LIX1: variants seen among roughly 807,000 people sequenced by gnomAD.
LIX1 encodes protein limb expression 1 homolog.
LIX1 carries 24 observed loss-of-function variants against 33.4 expected under a neutral mutation model. That is an observed-to-expected ratio of 0.72 (90% CI 0.52 to 1.01). The LOEUF (loss-of-function observed/expected upper bound fraction) is 1.01, where lower values mean the gene tolerates loss of function less well. Among genes scored for constraint, LIX1 ranks in the 50% least tolerant of loss-of-function variants. LIX1 has a pLI of 0.00. For synonymous variants in LIX1, 124 were observed against 124.0 expected (o/e 1.00, Z 0.00); for missense variants, 311 against 339.2 (o/e 0.92, Z 0.65).
chr5:97,126,802 G>A lies in LIX1; in HGVS notation c.83-2173C>T, dbSNP rs912305897. ...CTACAGGTGCCCACCACTACGCCCA[G>A]CTAATTTTTTTGTATTTTCAGTAGA... On this transcript the variant is annotated intron_variant, in intron 1 of 5. Coordinates refer to ENST00000274382, the MANE Select transcript of LIX1 (RefSeq NM_153234.5). Among the ~76,000 whole-genome samples the A allele has an allele frequency of 5.3e-5, 8 of 151,924 alleles. No individual in the cohort carries two copies. In the South Asian group the frequency reaches 6.2e-4, roughly 12 times the overall value.
intron 1 of LIX1, among the ~76,000 whole-genome samples, chr5:97,138,465 C>A (rs888459671): frequency 1.3e-5 from 2 of 152,170 alleles, no homozygotes; most frequent in African/African-American, 4.8e-5. Flanking sequence ...GTACCTCTAA[C>A]CAATGTCAAT....
intron 2 of LIX1, among the ~76,000 whole-genome samples, chr5:97,116,946 C>A (rs908792145): frequency 1.3e-5 from 2 of 152,076 alleles, no homozygotes; most frequent in Non-Finnish European, 2.9e-5. Context: ...GGGGCCTTTC[C>A]TAATCATTTC....
chr5:97,119,739 T>G (rs191509456), intron 2 of LIX1, among the ~76,000 whole-genome samples: 1,747 of 152,166 alleles, frequency 0.011, 20 homozygotes, highest in Non-Finnish European at 0.018. Context: ...TTCCTATTTC[T>G]TTTCTTTTTT....
At position 97,094,530 on chromosome 5, in the gene LIX1, G is replaced by C. The variant is rs1417223252; in HGVS notation, c.*218C>G. On this transcript the variant is annotated 3_prime_UTR_variant, in exon 6 of 6. Transcript: ENST00000274382. ...GTGTCTATCCTTTCATCCTGAGCTG[G>C]AACTATTGAGAATGTGATAGAAAAA... The C allele has an allele frequency of 3.7e-6, 2 of 541,732 alleles. No homozygotes were observed. The highest frequency in any genetic ancestry group is 6.5e-6 in the Non-Finnish European group (2 of 306,636). The allele number at this position is 541,732 out of a possible 1,614,324, so 33.6% of individuals were successfully genotyped here. A position where few individuals can be genotyped will look rare whatever the true frequency, so the allele number is the denominator to read the frequency against.
At position 97,142,504 on chromosome 5, in the gene LIX1, A is replaced by G; in HGVS notation, c.73T>C (p.Phe25Leu). ...CCCCTTCAGTACTTACAGTCTTTGA[A>G]GACTAGAGCCGGATCTCTGTGAGGC... ...VLPHRDPALV[F>L]KDLNVVSMLQ... The change falls in exon 1 of 6, where the codon TTC becomes CTC. Residue 25 changes from phenylalanine (F) to leucine (L), a missense_variant. Coordinates refer to ENST00000274382, the MANE Select transcript of LIX1 (RefSeq NM_153234.5). The G allele has an allele frequency of 6.2e-7, 1 of 1,613,606 alleles. No homozygotes were observed. Among genetic ancestry groups the G allele is most frequent in the Non-Finnish European group, 8.5e-7 (1 of 1,179,496 alleles).
intron 2 of LIX1, among the ~76,000 whole-genome samples, chr5:97,112,942 A>G (rs900051156): frequency 2.0e-5 from 3 of 152,208 alleles, no homozygotes; most frequent in Non-Finnish European, 4.4e-5. Flanking sequence ...GCACTGCACC[A>G]GAGTTCGTTT....
rs1170280616 is a variant in LIX1, at chr5:97,136,442, T to C, written c.82+6053A>G. Among the ~76,000 whole-genome samples the C allele has an allele frequency of 2.8e-4, 43 of 152,104 alleles. 1 individual carries two copies. Among genetic ancestry groups the C allele is most frequent in the Admixed American group, 2.8e-3 (43 of 15,272 alleles). On this transcript the variant is annotated intron_variant, in intron 1 of 5. Coordinates refer to ENST00000274382, the MANE Select transcript of LIX1 (RefSeq NM_153234.5). ...ACCCCCTTCATGCGAGGAAGAAAAA[T>C]CAACCATTGGCAATCCAAAAATGTC...
chr5:97,103,619 C>G (rs983889998), intron 4 of LIX1, among the ~76,000 whole-genome samples: 1 of 152,156 alleles, frequency 6.6e-6, no homozygotes, highest in Non-Finnish European at 1.5e-5. Context: ...TGCTTCCTAA[C>G]CAAGACAGGC....
At chr5:97,113,856 T>G (rs1424823491) in intron 2 of LIX1, among the ~76,000 whole-genome samples, 2 of 152,220 alleles carry the variant, frequency 1.3e-5, no homozygotes, top group East Asian at 1.9e-4. Flanking sequence ...TCTCCTCCCA[T>G]GACAAACTTG....
chr5:97,129,987 T>C (rs1748019326), intron 1 of LIX1, among the ~76,000 whole-genome samples: 1 of 152,256 alleles, frequency 6.6e-6, no homozygotes, highest in Non-Finnish European at 1.5e-5. Flanking sequence ...ACAAGTCATA[T>C]GACATGTTTC....
chr5:97,093,066 A>C lies in LIX1; in HGVS notation c.*1682T>G, dbSNP rs1046453879. 4.6e-5 allele frequency: 7 copies of C among 152,264 alleles called. No homozygotes were observed. The highest frequency in any genetic ancestry group is 7.3e-5 in the Non-Finnish European group (5 of 68,038). 9.4% of individuals were successfully genotyped at this position (152,264 alleles called of 1,614,324 possible). A position where few individuals can be genotyped will look rare whatever the true frequency, so the allele number is the denominator to read the frequency against. ...TGTGTTGAAAATTACTGTTACCTTT[A>C]AAAGATATTAAGGTATGACAATTAT... On this transcript the variant is annotated 3_prime_UTR_variant, in exon 6 of 6. Coordinates refer to ENST00000274382, the MANE Select transcript of LIX1 (RefSeq NM_153234.5).
At chr5:97,130,468 G>A (rs147479544) in intron 1 of LIX1, among the ~76,000 whole-genome samples, 173 of 152,304 alleles carry the variant, frequency 1.1e-3, no homozygotes, top group African/African-American at 4.0e-3. Flanking sequence ...TCTAGACACC[G>A]GACACAGGAA....
chr5:97,100,351 T>C (rs1466999095), intron 4 of LIX1, among the ~76,000 whole-genome samples: 2 of 152,174 alleles, frequency 1.3e-5, no homozygotes, highest in South Asian at 2.1e-4. Flanking sequence ...GCTTTTTTTT[T>C]CTCTCCAGTA....
intron 2 of LIX1, 107 bp from the exon 3 acceptor site, chr5:97,107,607 G>C: frequency 8.2e-7 from 1 of 1,221,086 alleles, no homozygotes; most frequent in Non-Finnish European, 1.2e-6. Context: ...TTTACTGTCC[G>C]CATCTATTCT....
intron 2 of LIX1, among the ~76,000 whole-genome samples, chr5:97,110,547 C>T (rs552399422): frequency 6.6e-6 from 1 of 152,246 alleles, no homozygotes; most frequent in Non-Finnish European, 1.5e-5. Flanking sequence ...TGGGTTCAAG[C>T]AAGTCTCCTG....
intron 2 of LIX1, among the ~76,000 whole-genome samples, chr5:97,123,863 T>C (rs771878105): frequency 1.3e-5 from 2 of 152,176 alleles, no homozygotes; most frequent in African/African-American, 2.4e-5. Flanking sequence ...CAAGACATCA[T>C]CAACTGAATG....
chr5:97,124,631 T>C lies in LIX1; in HGVS notation c.83-2A>G. The C allele has an allele frequency of 6.2e-7, 1 of 1,606,350 alleles. No individual in the cohort carries two copies. The highest frequency in any genetic ancestry group is 8.5e-7 in the Non-Finnish European group (1 of 1,176,224). ...CCTGTAACATTGACACAACGTTCAC[T>C]GAAAAAGACAAGAAACACCATCAGT... On this transcript the variant is annotated splice_acceptor_variant, in intron 1 of 5. Coordinates refer to ENST00000274382, the MANE Select transcript of LIX1 (RefSeq NM_153234.5). LOFTEE classifies it high-confidence loss of function.
intron 1 of LIX1, among the ~76,000 whole-genome samples, chr5:97,130,001 C>T (rs757280597): frequency 3.9e-5 from 6 of 152,206 alleles, no homozygotes; most frequent in Admixed American, 6.5e-5. Context: ...ATGTTTCCAA[C>T]TTGGAATTGT....
intron 4 of LIX1, among the ~76,000 whole-genome samples, chr5:97,102,486 G>A (rs1027355121): frequency 6.6e-6 from 1 of 152,128 alleles, no homozygotes; most frequent in Non-Finnish European, 1.5e-5. Context: ...TCCCTACTAG[G>A]GAAGGGAGTT....
Sources: allele counts gnomAD v4.1 joint callset (sites outside exome capture counted in the v4.1 genomes callset), GRCh38; gene constraint gnomAD v4.1.1; transcripts MANE v1.5; gene names NCBI Gene and HGNC (gene_info 2026-07-23, HGNC 2026-07-21).